Variants in AFAP1 observed in about 807,000 individuals in gnomAD.
The protein encoded by AFAP1 is actin filament associated protein 1, also known as actin filament-associated protein 1.
In AFAP1, 75 loss-of-function variants were observed where a neutral mutation model predicts 93.9. The observed-to-expected ratio is 0.80, with a 90% CI of 0.66 to 0.97. The LOEUF (loss-of-function observed/expected upper bound fraction) is 0.97. AFAP1 is among the 50% of genes least tolerant of loss of function. The pLI, the probability that AFAP1 is intolerant of heterozygous loss-of-function variation, is 0.00. For missense variants in AFAP1, 1,201 were observed against 1,050.8 expected, an observed-to-expected ratio of 1.14 and a Z score of -1.98; for synonymous variants, 517 against 430.7, an observed-to-expected ratio of 1.20 and a Z score of -2.48.
intron 1 of AFAP1, among the ~76,000 whole-genome samples, chr4:7,893,934 GC>G (rs570284324): frequency 1.7e-3 from 252 of 152,192 alleles, no homozygotes; most frequent in African/African-American, 5.7e-3. Context: ...CGCCTCCCTC[GC>G]CTCTACCCAC....
At chr4:7,898,388 A>G (rs552061068) in intron 1 of AFAP1, among the ~76,000 whole-genome samples, 33 of 152,096 alleles carry the variant, frequency 2.2e-4, no homozygotes, top group African/African-American at 8.0e-4. Context: ...AGCCTGGGTG[A>G]CAAGAGTGAA....
intron 5 of AFAP1, chr4:7,842,915 T>G: frequency 1.9e-6 from 1 of 533,242 alleles, no homozygotes; most frequent in Non-Finnish European, 3.3e-6. Flanking sequence ...CTGGCTGCTT[T>G]TGGAGCTGGG....
chr4:7,785,102 T>A (rs1417484698), intron 12 of AFAP1, among the ~76,000 whole-genome samples: 1 of 152,160 alleles, frequency 6.6e-6, no homozygotes, highest in Non-Finnish European at 1.5e-5. Context: ...GCCTCCTTCA[T>A]TCATCTGCTA....
At chr4:7,871,929 G>C (rs1478755430) in intron 2 of AFAP1, 23 bp downstream of exon 2, 25 of 1,612,834 alleles carry the variant, frequency 1.6e-5, no homozygotes, top group Non-Finnish European at 1.9e-5. Flanking sequence ...AGAAGGAAAA[G>C]CAGGCGTCAG....
intron 1 of AFAP1, among the ~76,000 whole-genome samples, chr4:7,888,069 T>G (rs112774179): frequency 1.3e-5 from 2 of 152,198 alleles, no homozygotes; most frequent in African/African-American, 4.8e-5. Context: ...TCAAGTTATC[T>G]GCCCACCTCG....
intron 3 of AFAP1, among the ~76,000 whole-genome samples, chr4:7,858,883 C>T (rs138682069): frequency 3.7e-4 from 56 of 152,302 alleles, no homozygotes; most frequent in African/African-American, 1.2e-3. Flanking sequence ...CCAACTTTAC[C>T]TCTTCCAAAA....
At chr4:7,835,816 G>A (rs1489467147) in intron 6 of AFAP1, among the ~76,000 whole-genome samples, 1 of 148,450 alleles carries the variant, frequency 6.7e-6, no homozygotes, top group Non-Finnish European at 1.5e-5. Flanking sequence ...TTACCTGGGT[G>A]GCTCTTGAAT....
At chr4:7,797,676 A>G (rs907987101) in intron 10 of AFAP1, among the ~76,000 whole-genome samples, 38 of 152,242 alleles carry the variant, frequency 2.5e-4, no homozygotes, top group African/African-American at 8.4e-4. Flanking sequence ...AGGACATGAT[A>G]GGAATAACTA....
At chr4:7,826,874 G>T (rs1469958235) in intron 6 of AFAP1, among the ~76,000 whole-genome samples, 1 of 152,156 alleles carries the variant, frequency 6.6e-6, no homozygotes, top group Non-Finnish European at 1.5e-5. Context: ...CAAAACGCAT[G>T]GAATGTCATG....
intron 9 of AFAP1, among the ~76,000 whole-genome samples, chr4:7,809,190 C>A (rs1719795492): frequency 6.6e-6 from 1 of 151,824 alleles, no homozygotes; most frequent in Non-Finnish European, 1.5e-5. Flanking sequence ...AGGTATATCT[C>A]CTAATGCTAT....
At chr4:7,794,356 T>A (rs1325400732) in intron 10 of AFAP1, among the ~76,000 whole-genome samples, 3 of 152,214 alleles carry the variant, frequency 2.0e-5, no homozygotes, top group Non-Finnish European at 4.4e-5. Context: ...TTTCCTTTGA[T>A]ATCAATTGTG....
intron 4 of AFAP1, among the ~76,000 whole-genome samples, chr4:7,849,545 T>C (rs572588630): frequency 2.0e-5 from 3 of 152,126 alleles, no homozygotes; most frequent in Non-Finnish European, 2.9e-5. Context: ...AAACGGCCTA[T>C]TGGAGAGTAG....
At chr4:7,891,737 T>C (rs1278660095) in intron 1 of AFAP1, among the ~76,000 whole-genome samples, 1 of 122,172 alleles carries the variant, frequency 8.2e-6, no homozygotes, top group Non-Finnish European at 1.7e-5. Flanking sequence ...ATAAATATGG[T>C]CTCATTAAAA....
chr4:7,768,056 G>C (rs1469922526), intron 17 of AFAP1, among the ~76,000 whole-genome samples: 1 of 152,244 alleles, frequency 6.6e-6, no homozygotes, highest in Non-Finnish European at 1.5e-5. Flanking sequence ...GCCTGGGCCA[G>C]GGAGCGAGGC....
intron 1 of AFAP1, among the ~76,000 whole-genome samples, chr4:7,875,921 G>A (rs1462013398): frequency 2.0e-5 from 3 of 152,164 alleles, no homozygotes; most frequent in Non-Finnish European, 2.9e-5. Flanking sequence ...CTAGGGGCTA[G>A]TGGTGGGGAG....
At chr4:7,877,484 T>C (rs990674092) in intron 1 of AFAP1, among the ~76,000 whole-genome samples, 8 of 152,218 alleles carry the variant, frequency 5.3e-5, no homozygotes, top group Non-Finnish European at 2.9e-5. Context: ...GTTACATATA[T>C]GAACTCATGT....
chr4:7,780,809 C>A (rs1278151615), intron 13 of AFAP1, among the ~76,000 whole-genome samples: 3 of 151,866 alleles, frequency 2.0e-5, no homozygotes, highest in Non-Finnish European at 2.9e-5. Flanking sequence ...TGGGAGTATA[C>A]CTTTAGACTT....
chr4:7,802,398 G>A (rs943926070), intron 9 of AFAP1, among the ~76,000 whole-genome samples: 4 of 152,186 alleles, frequency 2.6e-5, no homozygotes, highest in South Asian at 2.1e-4. Flanking sequence ...GAGGTGAAGA[G>A]GCCCTAGAAT....
intron 1 of AFAP1, among the ~76,000 whole-genome samples, chr4:7,886,866 T>C (rs544168821): frequency 1.3e-5 from 2 of 152,222 alleles, no homozygotes; most frequent in Admixed American, 6.5e-5. Flanking sequence ...AAGCACAGTG[T>C]TTCCCTTCCA....
Sources: gnomAD v4.1 joint callset for allele counts (sites outside exome capture counted in the v4.1 genomes callset) on GRCh38, gnomAD v4.1.1 for gene constraint, MANE v1.5 for transcripts, NCBI Gene and HGNC (gene_info 2026-07-23, HGNC 2026-07-21) for gene names.